Variants in AGMO observed in about 807,000 individuals in gnomAD.
AGMO encodes glyceryl-ether monooxygenase.
A neutral mutation model predicts 60.2 loss-of-function variants in AGMO; 75 were observed. The ratio of observed to expected loss-of-function variants is 1.25; its 90% confidence interval spans 1.03 to 1.51. The LOEUF (loss-of-function observed/expected upper bound fraction) is 1.51. Ranked by LOEUF, AGMO falls within the 40% of genes most tolerant of loss-of-function variation. AGMO has a pLI of 0.00. For missense variants in AGMO, 763 were observed against 525.5 expected (o/e 1.45, Z -4.42); for synonymous variants, 261 against 177.1 (o/e 1.47, Z -3.76).
At chr7:15,241,780 A>C (rs997027962) in intron 12 of AGMO, among the ~76,000 whole-genome samples, 2 of 152,214 alleles carry the variant, frequency 1.3e-5, no homozygotes, top group Admixed American at 1.3e-4. Context: ...AGGTAGACTT[A>C]GATGAGTTCC....
the AGMO span, among the ~76,000 whole-genome samples, chr7:15,162,861 T>A: frequency 6.6e-6 from 1 of 152,280 alleles, no homozygotes; most frequent in Admixed American, 6.5e-5. Context: ...TGGTCCCATA[T>A]AAATTGTAAA....
rs549305349 is a variant in AGMO, at chr7:15,289,365, G to C, written c.1263+76149C>G. On this transcript the variant is annotated intron_variant, in intron 12 of 12. Transcript: ENST00000342526. ...TATAGCTGTCTCTATAAGATTCCGA[G>C]TTTGTTTTCTAAAAAAAAGTAGGTA... Among the ~76,000 whole-genome samples, 303 of 151,750 alleles carry C rather than the reference G, an allele frequency of 2.0e-3. 1 individual carries two copies. Among genetic ancestry groups the C allele is most frequent in the African/African-American group, 6.9e-3 (285 of 41,430 alleles).
At chr7:15,354,380 ACACGTGTGTG>A (rs1470160295) in intron 12 of AGMO, among the ~76,000 whole-genome samples, 4,755 of 49,326 alleles carry the variant, frequency 0.096, 646 homozygotes, top group African/African-American at 0.24. Flanking sequence ...ACGTGTGTAT[ACACGTGTGTG>A]TATACACGTG....
intron 12 of AGMO, among the ~76,000 whole-genome samples, chr7:15,223,488 T>C (rs1310996430): frequency 3.3e-5 from 5 of 152,012 alleles, no homozygotes; most frequent in African/African-American, 1.2e-4. Context: ...ACTAGGTAGA[T>C]GCTATAACTT....
intron 3 of AGMO, among the ~76,000 whole-genome samples, chr7:15,454,592 T>TGA (rs1343029075): frequency 6.6e-6 from 1 of 152,090 alleles, no homozygotes; most frequent in Non-Finnish European, 1.5e-5. Context: ...AATCTTAGTG[T>TGA]GTGTGTGTAT....
At chr7:15,324,490 C>T (rs886826460) in intron 12 of AGMO, among the ~76,000 whole-genome samples, 4 of 151,974 alleles carry the variant, frequency 2.6e-5, no homozygotes, top group African/African-American at 7.2e-5. Context: ...CCTGAAGTGC[C>T]TTCTTGATTT....
At chr7:15,151,423 ATCTT>A in the AGMO span, among the ~76,000 whole-genome samples, 1 of 151,844 alleles carries the variant, frequency 6.6e-6, no homozygotes, top group Non-Finnish European at 1.5e-5. Flanking sequence ...TAGATTTGAG[ATCTT>A]TCTAACTTCT....
intron 2 of AGMO, among the ~76,000 whole-genome samples, chr7:15,546,597 G>C (rs1784788403): frequency 2.0e-5 from 3 of 152,240 alleles, no homozygotes; most frequent in South Asian, 2.1e-4. Flanking sequence ...GGGGCATGTA[G>C]ACAGAGCTGG....
intron 12 of AGMO, among the ~76,000 whole-genome samples, chr7:15,249,437 A>G (rs1004582164): frequency 1.3e-5 from 2 of 152,164 alleles, no homozygotes; most frequent in African/African-American, 4.8e-5. Flanking sequence ...TAGATGAAAA[A>G]TATTTTGTTA....
At chr7:15,432,361 T>TACATACATATATATATACAC (rs1781275318) in intron 3 of AGMO, among the ~76,000 whole-genome samples, 7 of 123,938 alleles carry the variant, frequency 5.6e-5, no homozygotes, top group African/African-American at 1.5e-4. Context: ...CATATATATA[T>TACATACATATATATATACAC]ACACACACAT....
intron 10 of AGMO, among the ~76,000 whole-genome samples, chr7:15,373,611 C>CT (rs1448034084): frequency 6.6e-6 from 1 of 152,150 alleles, no homozygotes; most frequent in Non-Finnish European, 1.5e-5. Context: ...ACAACCTCCT[C>CT]TCACATTTCT....
intron 12 of AGMO, among the ~76,000 whole-genome samples, chr7:15,313,714 G>A (rs1350550918): frequency 2.6e-5 from 4 of 151,932 alleles, no homozygotes; most frequent in South Asian, 4.2e-4. Context: ...CTAAAACCAC[G>A]GATCATACCA....
At chr7:15,355,273 C>A (rs961226307) in intron 12 of AGMO, among the ~76,000 whole-genome samples, 1 of 151,890 alleles carries the variant, frequency 6.6e-6, no homozygotes. Context: ...GAGGCCGAGA[C>A]GGGCGGATCA....
chr7:15,505,383 T>C (rs745561052), intron 3 of AGMO, among the ~76,000 whole-genome samples: 1 of 152,004 alleles, frequency 6.6e-6, no homozygotes, highest in Non-Finnish European at 1.5e-5. Context: ...AAAACGTGTC[T>C]GTCTGGTTGA....
At chr7:15,237,990 G>A (rs1487694542) in intron 12 of AGMO, among the ~76,000 whole-genome samples, 1 of 151,990 alleles carries the variant, frequency 6.6e-6, no homozygotes, top group African/African-American at 2.4e-5. Context: ...GCCTAACTTT[G>A]ATTAGTCCCA....
chr7:15,317,896 T>TAC (rs199960508), intron 12 of AGMO, among the ~76,000 whole-genome samples: 3 of 147,288 alleles, frequency 2.0e-5, no homozygotes, highest in Non-Finnish European at 3.0e-5. Flanking sequence ...CGTATATATA[T>TAC]ACACACACAC....
intron 12 of AGMO, among the ~76,000 whole-genome samples, chr7:15,339,602 G>C (rs1415361542): frequency 6.6e-6 from 1 of 152,284 alleles, no homozygotes; most frequent in East Asian, 1.9e-4. Flanking sequence ...ATTTTATGCA[G>C]AATGTCAGGG....
At chr7:15,497,464 A>G (rs1783262932) in intron 3 of AGMO, among the ~76,000 whole-genome samples, 1 of 152,130 alleles carries the variant, frequency 6.6e-6, no homozygotes, top group South Asian at 2.1e-4. Flanking sequence ...AATTCTATAA[A>G]TGGAGGTACA....
At chr7:15,559,070 T>G (rs1785231940) in intron 2 of AGMO, among the ~76,000 whole-genome samples, 1 of 152,128 alleles carries the variant, frequency 6.6e-6, no homozygotes, top group Admixed American at 6.6e-5. Context: ...TTATTGGTCT[T>G]TCCTCTTCAC....
Sources: gnomAD v4.1 joint callset for allele counts (sites outside exome capture counted in the v4.1 genomes callset) on GRCh38, gnomAD v4.1.1 for gene constraint, MANE v1.5 for transcripts, NCBI Gene and HGNC (gene_info 2026-07-23, HGNC 2026-07-21) for gene names.